WDR70: variants seen among roughly 807,000 people sequenced by gnomAD.
The protein encoded by WDR70 is WD repeat domain 70.
A neutral mutation model predicts 88.6 loss-of-function variants in WDR70; 53 were observed. That is an observed-to-expected ratio of 0.60 (90% confidence interval 0.48 to 0.75). The LOEUF is 0.75. WDR70 is among the 30% of genes least tolerant of loss of function. The pLI is 0.00. For missense variants in WDR70, 610 were observed against 823.2 expected, an observed-to-expected ratio of 0.74 and a Z score of 3.17; for synonymous variants, 280 against 270.0, an observed-to-expected ratio of 1.04 and a Z score of -0.36.
intron 9 of WDR70, among the ~76,000 whole-genome samples, chr5:37,518,664 G>T (rs1335645478): frequency 1.3e-5 from 2 of 150,076 alleles, no homozygotes; most frequent in Non-Finnish European, 1.5e-5. Context: ...TGCAACCAAC[G>T]TGGGAGCACA....
intron 9 of WDR70, among the ~76,000 whole-genome samples, chr5:37,561,213 T>C (rs1742493538): frequency 6.6e-6 from 1 of 152,164 alleles, no homozygotes; most frequent in South Asian, 2.1e-4. Flanking sequence ...AAAAGAAATT[T>C]CTTTAAATAA....
chr5:37,679,310 G>T (rs1299539144), intron 10 of WDR70, among the ~76,000 whole-genome samples: 1 of 151,810 alleles, frequency 6.6e-6, no homozygotes, highest in Non-Finnish European at 1.5e-5. Context: ...GAGGCACCCT[G>T]CTTTTTAGAG....
At chr5:37,707,789 C>A (rs1747371149) in intron 13 of WDR70, among the ~76,000 whole-genome samples, 1 of 151,044 alleles carries the variant, frequency 6.6e-6, no homozygotes, top group Admixed American at 6.6e-5. Flanking sequence ...TGGTAGGAGT[C>A]TGTAATCCCA....
chr5:37,668,818 A>T (rs182417846), intron 10 of WDR70, among the ~76,000 whole-genome samples: 141 of 152,374 alleles, frequency 9.3e-4, no homozygotes, highest in African/African-American at 3.2e-3. Context: ...TAGGCCAGTT[A>T]TGAATGAAGG....
rs542695587 is a variant in WDR70 at position 37,471,480 on chromosome 5, T to TA, written c.687-8352dup. On this transcript the variant is annotated intron_variant, in intron 7 of 17. Coordinates refer to ENST00000265107, the MANE Select transcript of WDR70 (RefSeq NM_018034.4). ...TTGCCTTTTTTTTTTAAATACCATT[T>TA]AATAGATTTTAAAAATATGGTGGAT... is the stretch of plus-strand genomic sequence containing the variant. Among the ~76,000 whole-genome samples, 346 of 151,956 alleles carry TA rather than the reference T, an allele frequency of 2.3e-3. 4 individuals are homozygous for TA. The highest frequency in any genetic ancestry group is 8.1e-3 in the African/African-American group (335 of 41,308).
chr5:37,612,306 G>A (rs1744212317), intron 10 of WDR70, among the ~76,000 whole-genome samples: 1 of 152,070 alleles, frequency 6.6e-6, no homozygotes, highest in African/African-American at 2.4e-5. Flanking sequence ...TATATTGACA[G>A]CTAAATGTCT....
chr5:37,742,263 G>GTT (rs549421990), intron 17 of WDR70, among the ~76,000 whole-genome samples: 11 of 123,664 alleles, frequency 8.9e-5, no homozygotes, highest in East Asian at 2.5e-4. Context: ...ATTATCTGTT[G>GTT]TTTTTTTTTT....
chr5:37,397,469 CAAA>C (rs58483851), intron 5 of WDR70, among the ~76,000 whole-genome samples: 9 of 130,780 alleles, frequency 6.9e-5, no homozygotes, highest in Admixed American at 7.7e-5. Context: ...AACTCTGTTT[CAAA>C]AAAAAAAAAA....
intron 5 of WDR70, among the ~76,000 whole-genome samples, chr5:37,423,696 T>C (rs1320463428): frequency 1.3e-5 from 2 of 150,282 alleles, no homozygotes; most frequent in Non-Finnish European, 3.0e-5. Flanking sequence ...CCCAGGTAGC[T>C]AGGATTACAG....
chr5:37,379,766 G>A (rs1448999059), intron 2 of WDR70, among the ~76,000 whole-genome samples: 2 of 152,190 alleles, frequency 1.3e-5, no homozygotes, highest in Non-Finnish European at 2.9e-5. Context: ...GGAGAGAGAG[G>A]AAGAGAAAGG....
intron 9 of WDR70, among the ~76,000 whole-genome samples, chr5:37,525,659 A>C (rs1007652174): frequency 1.3e-5 from 2 of 152,188 alleles, no homozygotes; most frequent in Non-Finnish European, 2.9e-5. Context: ...ATAGAGACAC[A>C]AAAAACCCTT....
intron 10 of WDR70, among the ~76,000 whole-genome samples, chr5:37,673,583 A>ACCCTCCC (rs1746094522): frequency 2.6e-5 from 2 of 76,228 alleles, no homozygotes; most frequent in Non-Finnish European, 4.8e-5. Flanking sequence ...GACTTTTCTT[A>ACCCTCCC]CCCCCCCCCC....
chr5:37,396,621 G>C, intron 5 of WDR70, 51 bp downstream of exon 5: 2 of 1,514,864 alleles, frequency 1.3e-6, no homozygotes, highest in South Asian at 2.5e-5. Context: ...TATCTTTACT[G>C]TAGAGATCAG....
intron 10 of WDR70, among the ~76,000 whole-genome samples, chr5:37,673,593 C>CCCA (rs397799965): frequency 2.5e-5 from 3 of 119,140 alleles, no homozygotes; most frequent in South Asian, 3.5e-4. Flanking sequence ...ACCCCCCCCC[C>CCCA]ACCCTTTTTT....
At chr5:37,535,843 A>T (rs1741650685) in intron 9 of WDR70, among the ~76,000 whole-genome samples, 1 of 152,232 alleles carries the variant, frequency 6.6e-6, no homozygotes, top group African/African-American at 2.4e-5. Context: ...CCAAGGACAC[A>T]TAATTCCAAG....
intron 9 of WDR70, among the ~76,000 whole-genome samples, chr5:37,594,574 G>A (rs1322287381): frequency 2.0e-5 from 3 of 152,178 alleles, no homozygotes; most frequent in Admixed American, 1.3e-4. Context: ...AAGTCAGGTA[G>A]TGTGATGCCT....
At chr5:37,459,580 A>G (rs1328507785) in intron 7 of WDR70, among the ~76,000 whole-genome samples, 2 of 57,534 alleles carry the variant, frequency 3.5e-5, no homozygotes, top group African/African-American at 9.9e-5. Flanking sequence ...TAAAACCATA[A>G]AAACCCTAGA....
intron 9 of WDR70, among the ~76,000 whole-genome samples, chr5:37,522,443 C>G (rs1220567639): frequency 7.2e-6 from 1 of 138,492 alleles, no homozygotes; most frequent in African/African-American, 2.7e-5. Flanking sequence ...TGCATTCCAG[C>G]CTGGGTGATG....
intron 10 of WDR70, among the ~76,000 whole-genome samples, chr5:37,625,800 A>G (rs1031664307): frequency 1.2e-4 from 19 of 152,210 alleles, no homozygotes; most frequent in African/African-American, 4.3e-4. Flanking sequence ...AAGTGCTAGA[A>G]TTACAGGCTT....
Sources: gnomAD v4.1 joint callset for allele counts (sites outside exome capture counted in the v4.1 genomes callset) on GRCh38, gnomAD v4.1.1 for gene constraint, MANE v1.5 for transcripts, NCBI Gene and HGNC (gene_info 2026-07-23, HGNC 2026-07-21) for gene names.